ZNF442: variants seen among roughly 807,000 people sequenced by gnomAD.
The protein encoded by ZNF442 is zinc finger protein 442.
ZNF442 carries 45 observed loss-of-function variants against 57.0 expected under a neutral mutation model. That is an observed-to-expected ratio of 0.79 (90% CI 0.62 to 1.01). ZNF442 has a LOEUF of 1.01. ZNF442 is among the 50% of genes least tolerant of loss of function. The probability of loss-of-function intolerance (pLI) is 0.00; values close to 1 mark genes in which losing one functional copy is unlikely to be tolerated. For missense variants in ZNF442, 690 were observed against 756.5 expected (o/e 0.91, Z 1.03); for synonymous variants, 213 against 241.8 (o/e 0.88, Z 1.10).
At chr19:12,365,480 G>A (rs1019556569) in intron 1 of ZNF442, 53 bp downstream of exon 1, 4 of 456,292 alleles carry the variant, frequency 8.8e-6, no homozygotes, top group Non-Finnish European at 1.6e-5. Context: ...GGTTCTGGCC[G>A]GTTCCAACCA....
chr19:12,362,300 G>A (rs565789917), intron 3 of ZNF442, among the ~76,000 whole-genome samples: 4 of 151,358 alleles, frequency 2.6e-5, no homozygotes, highest in African/African-American at 4.9e-5. Flanking sequence ...GCTGCCCATC[G>A]TCTGAGATGT....
chr19:12,360,710 G>A (rs913454858), intron 3 of ZNF442, among the ~76,000 whole-genome samples: 4 of 152,112 alleles, frequency 2.6e-5, no homozygotes, highest in Non-Finnish European at 5.9e-5. Context: ...CCAAGTAGCT[G>A]CGACTTCAGG....
At chr19:12,368,869 A>G (rs1025696775), upstream of ZNF442, among the ~76,000 whole-genome samples, 112 of 152,170 alleles carry the variant, frequency 7.4e-4, no homozygotes, top group African/African-American at 2.6e-3. Flanking sequence ...GATGGGGCAG[A>G]GGCACTGAAG....
Position 12,351,750 on chromosome 19 carries a change from G to A in ZNF442, c.266+260C>T, listed in dbSNP as rs548652214. 2.8e-5 allele frequency: 11 copies of A among 390,282 alleles called. 1 individual carries two copies. The highest frequency in any genetic ancestry group is 2.3e-4 in the East Asian group (5 of 21,970). The allele number at this position is 390,282 out of a possible 1,614,324, so 24.2% of individuals were successfully genotyped here. On this transcript the variant is annotated intron_variant, in intron 5 of 5. Coordinates refer to ENST00000242804, the MANE Select transcript of ZNF442 (RefSeq NM_030824.3). ...CAATCTCTTGACCTTGTGATCGCTC[G>A]CCTTGGCCTCCCAAAGTGCTGGGAT...
upstream of ZNF442, among the ~76,000 whole-genome samples, chr19:12,366,251 A>T (rs1969528712): frequency 6.6e-6 from 1 of 152,258 alleles, no homozygotes; most frequent in South Asian, 2.1e-4. Context: ...ATATGGCAGT[A>T]ATCTTCTATA....
Position 12,363,073 on chromosome 19 carries a change from C to T in ZNF442, c.78+481G>A, listed in dbSNP as rs112130868. 3.8e-3 allele frequency among the ~76,000 whole-genome samples: 548 copies of T among 145,690 alleles called. 5 individuals are homozygous for T. The highest frequency in any genetic ancestry group is 0.013 in the African/African-American group (524 of 39,004). On this transcript the variant is annotated intron_variant, in intron 3 of 5. Transcript: ENST00000242804. ...ACTCGGGAGGCTGAGATGGGAGGAT[C>T]GTTTGAACCCAGAAGGCAGAGGTTG...
At chr19:12,354,886 T>C (rs1313857153) in intron 3 of ZNF442, among the ~76,000 whole-genome samples, 1 of 152,232 alleles carries the variant, frequency 6.6e-6, no homozygotes, top group Non-Finnish European at 1.5e-5. Context: ...GTTAATCAAT[T>C]GTTTTTGTGA....
Position 12,351,001 on chromosome 19 carries a change from T to A in ZNF442, c.584A>T (p.Asn195Ile). Residue 195 changes from asparagine (N) to isoleucine (I), a missense_variant, in exon 6 of 6, where the codon AAC (asparagine) becomes ATC (isoleucine). By Grantham distance (149) the Asn-to-Ile change is moderately radical. Coordinates refer to ENST00000242804, the MANE Select transcript of ZNF442 (RefSeq NM_030824.3). ...ECGKTFSSSGNLRRHIIVQRG... is the reference protein window; with the variant it reads ...ECGKTFSSSGILRRHIIVQRG... Reference sequence around the variant, plus strand: ...TTGTACTATTATGTGTCTTCGAAGGTTTCCCGAAGAACTGAAGGTTTTCCC... The same window carrying A: ...TTGTACTATTATGTGTCTTCGAAGGATTCCCGAAGAACTGAAGGTTTTCCC... 2 of 1,614,024 alleles carry A rather than the reference T, an allele frequency of 1.2e-6. No homozygotes were observed. The highest frequency in any genetic ancestry group is 1.7e-6 in the Non-Finnish European group (2 of 1,179,908).
rs371580626 is a variant in ZNF442, at chr19:12,350,890, G to A, written c.695C>T (p.Thr232Ile). The stretch of plus-strand genomic sequence containing the variant: ...CTTACATTCATACGGTTTCTCTCCA[G>A]TGTGAGTTCTTTCATGCATACGAAA... ...SLFRMHERTH[T>I]GEKPYECKQC... The change falls in exon 6 of 6, where the codon ACT (threonine) becomes ATT (isoleucine). Residue 232 changes from threonine to isoleucine, a missense_variant. Physicochemically the swap from Thr to Ile is moderately conservative, Grantham distance 89. Transcript: ENST00000242804. The A allele has an allele frequency of 2.5e-6, 4 of 1,614,058 alleles. No homozygotes were observed. Among genetic ancestry groups the A allele is most frequent in the African/African-American group, 1.3e-5 (1 of 74,928 alleles).
Position 12,359,702 on chromosome 19 carries a change from C to G in ZNF442, c.78+3852G>C, listed in dbSNP as rs1381138822. On this transcript the variant is annotated intron_variant, in intron 3 of 5. Transcript: ENST00000242804. ...CTGAACTAGAATCTGATTCTCGGCC[C>G]GGCGTGGTTGCTCACACCTGTAATC... 5.9e-5 allele frequency among the ~76,000 whole-genome samples: 9 copies of G among 152,162 alleles called. 2 individuals are homozygous for G. Among genetic ancestry groups the G allele is most frequent in the African/African-American group, 2.2e-4 (9 of 41,520 alleles).
rs1406056601 is a variant in ZNF442, at chr19:12,349,866, T to C, written c.1719A>G (p.Glu573=). Residue 573 remains glutamate (E), a synonymous_variant, in exon 6 of 6, where the codon GAA becomes GAG. Transcript: ENST00000242804. ...TGAAGGCTTTACCACATTGTTGACA[T>C]TCATAAGATTTCTTTCCAGTGTGAA... ...ERIHTGKKSY[E]CQQCGKAFTR... The C allele has an allele frequency of 1.2e-6, 2 of 1,613,856 alleles. No individual in the cohort carries two copies. Among genetic ancestry groups the C allele is most frequent in the African/African-American group, 1.3e-5 (1 of 74,948 alleles).
intron 3 of ZNF442, among the ~76,000 whole-genome samples, chr19:12,363,158 C>CAAAAAAAAAAAAAAAAAA (rs886442784): frequency 1.6e-5 from 1 of 60,674 alleles, no homozygotes. Context: ...AGCTCCGTCT[C>CAAAAAAAAAAAAAAAAAA]AAAAAAAAAA....
At chr19:12,356,950 T>A (rs1969341214) in intron 3 of ZNF442, among the ~76,000 whole-genome samples, 1 of 152,134 alleles carries the variant, frequency 6.6e-6, no homozygotes, top group African/African-American at 2.4e-5. Context: ...AGTCATGAAG[T>A]GTTAGCACTT....
At chr19:12,370,164 T>C (rs1322252706), upstream of ZNF442, among the ~76,000 whole-genome samples, 2 of 151,600 alleles carry the variant, frequency 1.3e-5, no homozygotes, top group Non-Finnish European at 1.5e-5. Context: ...CGCCATACTA[T>C]AGAATCAGTG....
upstream of ZNF442, among the ~76,000 whole-genome samples, chr19:12,370,672 C>T (rs1302112696): frequency 1.3e-5 from 2 of 152,042 alleles, no homozygotes; most frequent in Non-Finnish European, 2.9e-5. Flanking sequence ...ATGTTATCCA[C>T]TTTTTCAGAA....
intron 3 of ZNF442, 86 bp from the exon 4 acceptor site, chr19:12,353,200 T>C (rs1360581279): frequency 1.4e-6 from 2 of 1,406,634 alleles, no homozygotes; most frequent in African/African-American, 1.5e-5. Flanking sequence ...TTGCATACTA[T>C]TATTTCTAAG....
rs772245894 is a variant in ZNF442, at chr19:12,350,082, T to A, written c.1503A>T (p.Thr501=). ...GAGTCCTTCTATGTTGAGAAAGGTA[T>A]GTGAAACAACTGAATGCTTTCCCAC... ...KECGKAFSCF[T]YLSQHRRTHM... Residue 501 remains threonine, a synonymous_variant, in exon 6 of 6, where the codon ACA becomes ACT. Coordinates refer to ENST00000242804, the MANE Select transcript of ZNF442 (RefSeq NM_030824.3). 6.2e-7 allele frequency: 1 copy of A among 1,612,678 alleles called. No homozygotes were observed. Among genetic ancestry groups the A allele is most frequent in the Non-Finnish European group, 8.5e-7 (1 of 1,179,616 alleles).
rs73921445 is a variant in ZNF442 at position 12,353,042 on chromosome 19, T to C, written c.151A>G (p.Lys51Glu). ...EEWALLGPSQKSLYRDVMWET... is the reference protein window; with the variant it reads ...EEWALLGPSQESLYRDVMWET... Reference sequence around the variant, plus strand: ...CACATCACATCTCTGTACAGACTCTTCTGTGATGGACCCAGCAAAGCCCAC... The same window carrying C: ...CACATCACATCTCTGTACAGACTCTCCTGTGATGGACCCAGCAAAGCCCAC... The change falls in exon 4 of 6, where the codon AAG (lysine) becomes GAG (glutamate). Residue 51 changes from lysine to glutamate, a missense_variant. Physicochemically the swap from Lys to Glu is moderately conservative, Grantham distance 56 (BLOSUM62 1). Transcript: ENST00000242804. The C allele has an allele frequency of 4.7e-3, 7,542 of 1,613,614 alleles. 85 individuals are homozygous for C. The highest frequency in any genetic ancestry group is 0.041 in the Middle Eastern group (249 of 6,052).
chr19:12,360,166 T>C (rs919861525), intron 3 of ZNF442, among the ~76,000 whole-genome samples: 6 of 152,160 alleles, frequency 3.9e-5, no homozygotes, highest in African/African-American at 1.2e-4. Flanking sequence ...CGCGCCCAGC[T>C]GGGATGCCTC....
Sources: gnomAD v4.1 joint callset for allele counts (sites outside exome capture counted in the v4.1 genomes callset) on GRCh38, gnomAD v4.1.1 for gene constraint, MANE v1.5 for transcripts, NCBI Gene and HGNC (gene_info 2026-07-23, HGNC 2026-07-21) for gene names.